Variants in ILDR2 observed in about 807,000 individuals in gnomAD.
ILDR2 encodes immunoglobulin-like domain-containing receptor 2.
ILDR2 carries 25 observed loss-of-function variants against 66.8 expected under a neutral mutation model. The ratio of observed to expected loss-of-function variants is 0.37; its 90% CI spans 0.27 to 0.52. The LOEUF is 0.52. Ranked by LOEUF, ILDR2 falls within the 20% of genes least tolerant of loss-of-function variation. ILDR2 has a pLI of 0.88. For synonymous variants in ILDR2, 367 were observed against 357.2 expected (o/e 1.03, Z -0.31); for missense variants, 827 against 876.8 (o/e 0.94, Z 0.72).
At chr1:166,949,401 C>G (rs542328491) in intron 3 of ILDR2, among the ~76,000 whole-genome samples, 2 of 152,342 alleles carry the variant, frequency 1.3e-5, no homozygotes, top group African/African-American at 4.8e-5. Flanking sequence ...CACCAAAAGA[C>G]AGTAATTTTT....
chr1:166,916,879 T>C lies in ILDR2; in HGVS notation c.*2476A>G, dbSNP rs1010751168. 1 of 152,168 alleles carries C rather than the reference T, an allele frequency of 6.6e-6. No individual in the cohort carries two copies. The highest frequency in any genetic ancestry group is 2.4e-5 in the African/African-American group (1 of 41,422). The allele number at this position is 152,168 out of a possible 1,614,324, so 9.4% of individuals were successfully genotyped here. On this transcript the variant is annotated 3_prime_UTR_variant, in exon 10 of 10. Coordinates refer to ENST00000271417, the MANE Select transcript of ILDR2 (RefSeq NM_199351.3). ...CCTCAACCTTCACCAAAATCATACG[T>C]CCGTAGCTTTAAAAAAACATTATTT...
Position 166,911,606 on chromosome 1 carries a change from T to C in ILDR2, c.*7749A>G, listed in dbSNP as rs573865161. ...CTGTAGATATTGGAATTACTGGATA[T>C]AAAATTTTAAGTTAGTATCTTTAAG... On this transcript the variant is annotated 3_prime_UTR_variant, in exon 10 of 10. Coordinates refer to ENST00000271417, the MANE Select transcript of ILDR2 (RefSeq NM_199351.3). 4 of 149,606 alleles carry C rather than the reference T, an allele frequency of 2.7e-5. No individual in the cohort carries two copies. In the East Asian group the frequency reaches 7.8e-4, roughly 29 times the overall value. The allele number at this position is 149,606 out of a possible 1,614,324, so 9.3% of individuals were successfully genotyped here. A position where few individuals can be genotyped will look rare whatever the true frequency, so the allele number is the denominator to read the frequency against.
intron 1 of ILDR2, among the ~76,000 whole-genome samples, 192 bp downstream of exon 1, chr1:166,975,031 C>G (rs1571225962): frequency 2.3e-5 from 3 of 128,208 alleles, no homozygotes; most frequent in African/African-American, 8.1e-5. Flanking sequence ...CTCTCTCTCT[C>G]TCTCTCACAC....
At chr1:166,896,063 T>A (rs1380112713) in exon 3 of ILDR2, 1 of 152,162 alleles carries the variant, frequency 6.6e-6, no homozygotes, top group Non-Finnish European at 1.5e-5. Flanking sequence ...GGCAGACAAG[T>A]GATGGGGAGG....
In ILDR2 at chr1:166,915,801, T is replaced by C. The variant is rs1463345733; in HGVS notation, c.*3554A>G. 6.6e-6 allele frequency: 1 copy of C among 152,196 alleles called. No homozygotes were observed. Among genetic ancestry groups the C allele is most frequent in the Non-Finnish European group, 1.5e-5 (1 of 68,078 alleles). The allele number at this position is 152,196 out of a possible 1,614,324, so 9.4% of individuals were successfully genotyped here. On this transcript the variant is annotated 3_prime_UTR_variant, in exon 10 of 10. Coordinates refer to ENST00000271417, the MANE Select transcript of ILDR2 (RefSeq NM_199351.3). ...GTGCCTTGGGTTTGGGTGGCAGCCT[T>C]TTCTCATCTCCAGTATGCCTAATCC...
At chr1:166,969,900 G>A (rs988331059) in intron 1 of ILDR2, among the ~76,000 whole-genome samples, 1 of 152,164 alleles carries the variant, frequency 6.6e-6, no homozygotes, top group African/African-American at 2.4e-5. Flanking sequence ...TTTCCTCTGA[G>A]CCTTGGTCTT....
At chr1:166,941,049 T>C (rs554881925) in intron 3 of ILDR2, among the ~76,000 whole-genome samples, 5 of 152,326 alleles carry the variant, frequency 3.3e-5, no homozygotes, top group African/African-American at 1.2e-4. Context: ...TTGCTCACTT[T>C]TTCTTGGCTC....
In ILDR2 at chr1:166,909,736, C is replaced by CATATATATATATAT. The variant is rs374479063; in HGVS notation, c.*9605_*9618dup. On this transcript the variant is annotated 3_prime_UTR_variant, in exon 10 of 10. Transcript: ENST00000271417. The stretch of plus-strand genomic sequence containing the variant: ...ATATATATGTGTGTGTGTATACATA[C>CATATATATATATAT]ATATATATATATATATATATATAAA... 7.9e-5 allele frequency: 8 copies of CATATATATATATAT among 100,902 alleles called. No homozygotes were observed. The highest frequency in any genetic ancestry group is 3.2e-4 in the African/African-American group (8 of 24,946). 6.3% of individuals were successfully genotyped at this position (100,902 alleles called of 1,614,324 possible).
chr1:166,956,963 T>C, intron 2 of ILDR2, 111 bp from the exon 3 acceptor site: 1 of 1,052,088 alleles, frequency 9.5e-7, no homozygotes, highest in Non-Finnish European at 1.3e-6. Flanking sequence ...TGCAGTATTT[T>C]CTTTCTTTAT....
chr1:166,943,151 G>A, intron 3 of ILDR2, among the ~76,000 whole-genome samples: 1 of 152,132 alleles, frequency 6.6e-6, no homozygotes, highest in East Asian at 1.9e-4. Flanking sequence ...AGTTTTGGGA[G>A]AGCAGACAAT....
In ILDR2 at chr1:166,921,157, G is replaced by A. The variant is rs780906458; in HGVS notation, c.1434C>T (p.Tyr478=). 58 of 1,540,736 alleles carry A rather than the reference G, an allele frequency of 3.8e-5. No individual in the cohort carries two copies. Among genetic ancestry groups the A allele is most frequent in the African/African-American group, 3.1e-4 (23 of 73,312 alleles). The change falls in exon 9 of 10, where the codon TAC becomes TAT. Residue 478 remains tyrosine (Y), a synonymous_variant. Transcript: ENST00000271417. This position sits in a 1 kb window ranked among gnomAD's most constrained non-coding sequence, Gnocchi z 5.3. ...GCTCGCGGCTGCGGCTGCGCTGACC[G>A]TAGTACTCCTCCAAGGAGTCGTCCT... ...FYQDDSLEEY[Y]GQRSRSREPL... is the part of the protein sequence containing the mutation.
intron 3 of ILDR2, among the ~76,000 whole-genome samples, chr1:166,952,399 T>C (rs1395300342): frequency 6.6e-6 from 1 of 152,172 alleles, no homozygotes; most frequent in Non-Finnish European, 1.5e-5. Context: ...ACTATGCATT[T>C]CCATCTTCAC....
In ILDR2 at chr1:166,927,075, C is replaced by G; in HGVS notation, c.986G>C (p.Arg329Thr). ...LAQFDPARRM[R>T]GRYNNTISEL... ...AACTAACAGATGCTCACATCTGCCT[C>G]TCATCCTTCTGGCTGGATCAAACTG... The change falls in exon 7 of 10, where the codon AGA (arginine) becomes ACA (threonine). Residue 329 changes from arginine to threonine, a missense_variant. Physicochemically the swap from Arg to Thr is moderately conservative, Grantham distance 71. Around this residue, in one of 2 missense-constraint regions of ILDR2, gnomAD observed 437 missense variants for 523.2 expected, o/e 0.84. Coordinates refer to ENST00000271417, the MANE Select transcript of ILDR2 (RefSeq NM_199351.3). The G allele has an allele frequency of 5.0e-6, 8 of 1,605,944 alleles. No individual in the cohort carries two copies. The highest frequency in any genetic ancestry group is 6.8e-6 in the Non-Finnish European group (8 of 1,173,996).
chr1:166,950,216 A>G (rs1287560494), intron 3 of ILDR2, among the ~76,000 whole-genome samples: 1 of 152,058 alleles, frequency 6.6e-6, no homozygotes, highest in Non-Finnish European at 1.5e-5. Flanking sequence ...CTTCTCCCTC[A>G]TTCTTTTTCC....
In ILDR2 at chr1:166,921,383, C is replaced by A. The variant is rs372643541; in HGVS notation, c.1212-4G>T. ...CTCCGACTTGGAGCGCGGCTGGCTGCGGGCAGAGAAGGAGGGGGTCAGACG... is the reference window on the plus strand; with the variant it reads ...CTCCGACTTGGAGCGCGGCTGGCTGAGGGCAGAGAAGGAGGGGGTCAGACG... On this transcript the variant is annotated splice_region_variant and splice_polypyrimidine_tract_variant and intron_variant, in intron 8 of 9. Transcript: ENST00000271417. This position sits in a 1 kb window ranked among gnomAD's most constrained non-coding sequence, Gnocchi z 5.3. 3.9e-6 allele frequency: 6 copies of A among 1,554,776 alleles called. No individual in the cohort carries two copies.
downstream of ILDR2, among the ~76,000 whole-genome samples, chr1:166,905,349 A>C (rs1659328328): frequency 6.6e-6 from 1 of 152,198 alleles, no homozygotes; most frequent in Non-Finnish European, 1.5e-5. Context: ...AAATTGCAGA[A>C]GCTGAGCCAG....
Position 166,913,094 on chromosome 1 carries a change from C to G in ILDR2, c.*6261G>C, listed in dbSNP as rs528651664. 1 of 152,182 alleles carries G rather than the reference C, an allele frequency of 6.6e-6. No individual in the cohort carries two copies. The highest frequency in any genetic ancestry group is 6.5e-5 in the Admixed American group (1 of 15,278). The allele number at this position is 152,182 out of a possible 1,614,324, so 9.4% of individuals were successfully genotyped here. ...ATGTATTCCTCTATTACTGTACTTA[C>G]AACAATCAGAGAAGGACATGTATCA... On this transcript the variant is annotated 3_prime_UTR_variant, in exon 10 of 10. Transcript: ENST00000271417.
intron 7 of ILDR2, among the ~76,000 whole-genome samples, chr1:166,923,962 A>AT (rs1408195933): frequency 1.3e-5 from 2 of 152,222 alleles, no homozygotes; most frequent in African/African-American, 4.8e-5. Flanking sequence ...GTGGGCCAAG[A>AT]TAAGATGTGG....
chr1:166,901,680 A>C (rs943023858), intron 2 of ILDR2, among the ~76,000 whole-genome samples: 1 of 152,224 alleles, frequency 6.6e-6, no homozygotes, highest in Non-Finnish European at 1.5e-5. Flanking sequence ...AGGCCAAAAG[A>C]CTGGATTTCT....
Sources: gnomAD v4.1 joint callset for allele counts (sites outside exome capture counted in the v4.1 genomes callset) on GRCh38, gnomAD v4.1.1 for gene constraint, gnomAD v4.1.1 regional missense constraint, Gnocchi (gnomAD v3.1) non-coding constraint, MANE v1.5 for transcripts, NCBI Gene and HGNC (gene_info 2026-07-23, HGNC 2026-07-21) for gene names.